Variants in SCHIP1 observed in about 807,000 individuals in gnomAD.
SCHIP1 encodes the protein schwannomin-interacting protein 1.
In SCHIP1, 8 loss-of-function variants were observed where a neutral mutation model predicts 29.7. That is an observed-to-expected ratio of 0.27 (90% CI 0.16 to 0.49). The LOEUF (loss-of-function observed/expected upper bound fraction) is 0.49, where lower values mean the gene tolerates loss of function less well. Among genes scored for constraint, SCHIP1 ranks in the 20% least tolerant of loss-of-function variants. The pLI is 0.99. For missense variants in SCHIP1, 193 were observed against 294.6 expected, an observed-to-expected ratio of 0.66 and a Z score of 2.52; for synonymous variants, 76 against 94.9, an observed-to-expected ratio of 0.80 and a Z score of 1.16.
At chr3:159,578,894 A>C in the SCHIP1 span, among the ~76,000 whole-genome samples, 1 of 152,276 alleles carries the variant, frequency 6.6e-6, no homozygotes, top group South Asian at 2.1e-4. Context: ...TCCTTAATTT[A>C]ATCACATCTA....
chr3:159,839,905 G>A (rs1744052418), exon 1 of SCHIP1: 2 of 1,397,738 alleles, frequency 1.4e-6, no homozygotes, highest in East Asian at 2.7e-5. Context: ...TGCGGGTGAT[G>A]AGCGCCCCCT....
chr3:159,607,184 A>G, the SCHIP1 span, among the ~76,000 whole-genome samples: 3 of 152,212 alleles, frequency 2.0e-5, no homozygotes, highest in Non-Finnish European at 4.4e-5. Flanking sequence ...ATTAAATTCT[A>G]TATACACATA....
At chr3:159,367,983 C>T in the SCHIP1 span, among the ~76,000 whole-genome samples, 1 of 151,884 alleles carries the variant, frequency 6.6e-6, no homozygotes, top group Admixed American at 6.6e-5. Context: ...TATATTTCTC[C>T]CCTATCTCTA....
the SCHIP1 span, among the ~76,000 whole-genome samples, chr3:159,295,275 A>AC: frequency 2.1e-5 from 3 of 140,296 alleles, no homozygotes; most frequent in Non-Finnish European, 3.2e-5. Context: ...AAAAAAAAAA[A>AC]ACAACTAGCC....
the SCHIP1 span, among the ~76,000 whole-genome samples, chr3:159,557,935 T>A: frequency 6.6e-6 from 1 of 152,236 alleles, no homozygotes; most frequent in Non-Finnish European, 1.5e-5. Flanking sequence ...TGAAAAAGTA[T>A]AAGGACGCAG....
chr3:159,545,581 T>C, the SCHIP1 span, among the ~76,000 whole-genome samples: 1 of 144,734 alleles, frequency 6.9e-6, no homozygotes, highest in African/African-American at 2.5e-5. Context: ...TTCATATATA[T>C]ATATGTCTGT....
the SCHIP1 span, among the ~76,000 whole-genome samples, chr3:159,621,024 G>A: frequency 6.6e-6 from 1 of 152,162 alleles, no homozygotes; most frequent in Non-Finnish European, 1.5e-5. Flanking sequence ...TTATAAGTAA[G>A]CAAATGCCCA....
the SCHIP1 span, among the ~76,000 whole-genome samples, chr3:159,510,762 A>G: frequency 6.6e-6 from 1 of 152,228 alleles, no homozygotes; most frequent in African/African-American, 2.4e-5. Context: ...GGGTATCAGC[A>G]GCAGAGGCTG....
At chr3:159,847,282 T>C (rs996523736) in intron 1 of SCHIP1, among the ~76,000 whole-genome samples, 4 of 152,178 alleles carry the variant, frequency 2.6e-5, no homozygotes, top group Non-Finnish European at 5.9e-5. Context: ...CTTGGGGAAC[T>C]AATCACAGTT....
At chr3:159,462,493 C>A in the SCHIP1 span, among the ~76,000 whole-genome samples, 2 of 152,134 alleles carry the variant, frequency 1.3e-5, no homozygotes, top group Non-Finnish European at 2.9e-5. Flanking sequence ...TGTCAAGTCT[C>A]TCATTATTTC....
the SCHIP1 span, among the ~76,000 whole-genome samples, chr3:159,460,109 C>A: frequency 6.6e-6 from 1 of 152,236 alleles, no homozygotes; most frequent in Non-Finnish European, 1.5e-5. Context: ...TACAAAATAG[C>A]ATCAGCTGTT....
the SCHIP1 span, among the ~76,000 whole-genome samples, chr3:159,706,977 A>T: frequency 2.0e-5 from 3 of 152,208 alleles, no homozygotes; most frequent in South Asian, 2.1e-4. Context: ...TAAGTGCTGG[A>T]GATGTAATGG....
At chr3:159,733,760 G>C in the SCHIP1 span, among the ~76,000 whole-genome samples, 2 of 152,142 alleles carry the variant, frequency 1.3e-5, no homozygotes, top group African/African-American at 4.8e-5. Context: ...AAAAGATTTT[G>C]TTTTATCACG....
At chr3:159,717,092 A>G in the SCHIP1 span, among the ~76,000 whole-genome samples, 1 of 150,996 alleles carries the variant, frequency 6.6e-6, no homozygotes, top group African/African-American at 2.4e-5. Context: ...CTCACTCAAA[A>G]CCACTCATGG....
In SCHIP1 at chr3:159,861,551, C is replaced by T. The variant is rs1714062081; in HGVS notation, c.31-4612C>T. Among the ~76,000 whole-genome samples, 1 of 152,166 alleles carries T rather than the reference C, an allele frequency of 6.6e-6. No individual in the cohort carries two copies. The highest frequency in any genetic ancestry group is 1.5e-5 in the Non-Finnish European group (1 of 68,032). On this transcript the variant is annotated intron_variant, in intron 1 of 6. Coordinates refer to ENST00000445224, the Ensembl canonical transcript of SCHIP1. The surrounding 1 kb of genome is among the most constrained non-coding windows in gnomAD (Gnocchi z 4.1). ...AAAGTCATTGTGAGCCTCATCTGCTCAGGCACAGCGGGTGGCAGTAGGGAA... is the reference window on the plus strand; with the variant it reads ...AAAGTCATTGTGAGCCTCATCTGCTTAGGCACAGCGGGTGGCAGTAGGGAA...
chr3:159,317,445 T>A, the SCHIP1 span, among the ~76,000 whole-genome samples: 1 of 152,150 alleles, frequency 6.6e-6, no homozygotes, highest in Non-Finnish European at 1.5e-5. Context: ...GGGGTGATGG[T>A]GAGTGTTGCC....
chr3:159,419,883 G>A, the SCHIP1 span, among the ~76,000 whole-genome samples: 1 of 152,174 alleles, frequency 6.6e-6, no homozygotes, highest in East Asian at 1.9e-4. Context: ...GTCATTGCCT[G>A]TGCATGCAAA....
chr3:159,776,255 C>T, the SCHIP1 span, among the ~76,000 whole-genome samples: 2 of 151,656 alleles, frequency 1.3e-5, no homozygotes, highest in Non-Finnish European at 2.9e-5. Flanking sequence ...TTTCTTTATG[C>T]AGTCTTACAT....
At chr3:159,852,784 G>T (rs186330519) in intron 1 of SCHIP1, among the ~76,000 whole-genome samples, 69 of 152,250 alleles carry the variant, frequency 4.5e-4, no homozygotes, top group Admixed American at 1.0e-3. Flanking sequence ...ATCAGTTAAA[G>T]GGGGAAAAAA....
Sources: allele counts gnomAD v4.1 joint callset (sites outside exome capture counted in the v4.1 genomes callset), GRCh38; gene constraint gnomAD v4.1.1; non-coding constraint Gnocchi (gnomAD v3.1); transcripts MANE v1.5; gene names NCBI Gene and HGNC (gene_info 2026-07-23, HGNC 2026-07-21).